Variants in RPH3AL observed in about 807,000 individuals in gnomAD.
The protein encoded by RPH3AL is rab effector Noc2.
In RPH3AL, 38 loss-of-function variants were observed where a neutral mutation model predicts 43.1. The ratio of observed to expected loss-of-function variants is 0.88; its 90% CI spans 0.68 to 1.15. The LOEUF (loss-of-function observed/expected upper bound fraction) is 1.15. Ranked by LOEUF, RPH3AL falls within the 50% of genes most tolerant of loss-of-function variation. RPH3AL has a pLI of 0.00. For missense variants in RPH3AL, 462 were observed against 423.2 expected (o/e 1.09, Z -0.81); for synonymous variants, 189 against 176.3 (o/e 1.07, Z -0.57).
chr17:332,950 CA>C, intron 2 of RPH3AL: 2 of 1,172,494 alleles, frequency 1.7e-6, no homozygotes, highest in Admixed American at 2.4e-5. Flanking sequence ...GGGAACGGAA[CA>C]GGAGTTGCCG....
intron 6 of RPH3AL, among the ~76,000 whole-genome samples, chr17:271,354 A>T (rs1042680161): frequency 2.6e-5 from 4 of 152,186 alleles, no homozygotes; most frequent in Non-Finnish European, 5.9e-5. Context: ...TGAATCTACA[A>T]ATTACCTTGG....
intron 5 of RPH3AL, among the ~76,000 whole-genome samples, chr17:285,279 C>T (rs933652135): frequency 2.4e-4 from 37 of 152,140 alleles, no homozygotes; most frequent in African/African-American, 7.2e-4. Context: ...CTTCAGAGGC[C>T]GCACGGCACG....
intron 7 of RPH3AL, among the ~76,000 whole-genome samples, chr17:229,012 C>T (rs28521142): frequency 0.48 from 72,398 of 151,994 alleles, 17,703 homozygotes; most frequent in Non-Finnish European, 0.52. Flanking sequence ...AACTACTAAG[C>T]AGGACAAACA....
chr17:222,990 G>A (rs1352117027), intron 7 of RPH3AL, among the ~76,000 whole-genome samples: 1 of 152,170 alleles, frequency 6.6e-6, no homozygotes, highest in East Asian at 1.9e-4. Context: ...AGGAGCTCAA[G>A]ACCAGGCTGG....
chr17:252,527 G>A (rs2041932445), intron 6 of RPH3AL, among the ~76,000 whole-genome samples: 1 of 152,178 alleles, frequency 6.6e-6, no homozygotes, highest in Non-Finnish European at 1.5e-5. Flanking sequence ...CATCAGAGCA[G>A]TCGTTCCGAA....
In RPH3AL at chr17:274,174, C is replaced by T. The variant is rs556732562; in HGVS notation, c.438+7594G>A. ...TGCTTAGAAGCCGCCAGGGCCGTTCCTCCCAGCCCCAACTAACGCACCCAT... is the reference window on the plus strand; with the variant it reads ...TGCTTAGAAGCCGCCAGGGCCGTTCTTCCCAGCCCCAACTAACGCACCCAT... On this transcript the variant is annotated intron_variant, in intron 6 of 9. Transcript: ENST00000331302. This position sits in a 1 kb window ranked among gnomAD's most constrained non-coding sequence, Gnocchi z 4.7. Among the ~76,000 whole-genome samples the T allele has an allele frequency of 1.3e-5, 2 of 152,378 alleles. No individual in the cohort carries two copies. The highest frequency in any genetic ancestry group is 4.8e-5 in the African/African-American group (2 of 41,590).
chr17:244,720 C>A (rs1442640836), intron 7 of RPH3AL, among the ~76,000 whole-genome samples: 1 of 152,146 alleles, frequency 6.6e-6, no homozygotes, highest in African/African-American at 2.4e-5. Flanking sequence ...GGGCCACTGC[C>A]CTCCTCGCCC....
intron 6 of RPH3AL, among the ~76,000 whole-genome samples, chr17:273,568 A>C (rs201389526): frequency 1.7e-5 from 2 of 118,510 alleles, no homozygotes; most frequent in African/African-American, 6.0e-5. Flanking sequence ...GACCCCAGCG[A>C]GGGTGACGTC....
chr17:335,335 C>T (rs897735191), intron 1 of RPH3AL, among the ~76,000 whole-genome samples: 5 of 152,070 alleles, frequency 3.3e-5, no homozygotes, highest in Admixed American at 6.5e-5. Flanking sequence ...CACCCACGTG[C>T]GAAGGCCAAC....
Position 264,181 on chromosome 17 carries a change from A to C in RPH3AL, c.439-16896T>G, listed in dbSNP as rs1900300603. On this transcript the variant is annotated intron_variant, in intron 6 of 9. Transcript: ENST00000331302. This position sits in a 1 kb window ranked among gnomAD's most constrained non-coding sequence, Gnocchi z 4.8. ...GGTAACATACACACTTGTTTCTAGC[A>C]TTGTTTTCTGCCGGAAATGCCATCT... Among the ~76,000 whole-genome samples, 1 of 152,200 alleles carries C rather than the reference A, an allele frequency of 6.6e-6. No homozygotes were observed. The highest frequency in any genetic ancestry group is 2.4e-5 in the African/African-American group (1 of 41,446).
intron 5 of RPH3AL, among the ~76,000 whole-genome samples, chr17:311,606 C>CT (rs540138158): frequency 1.7e-4 from 26 of 152,280 alleles, no homozygotes; most frequent in African/African-American, 6.0e-4. Flanking sequence ...TTTTTGGATC[C>CT]CCCCAACCCA....
intron 6 of RPH3AL, among the ~76,000 whole-genome samples, chr17:257,117 G>A (rs1266910309): frequency 1.8e-4 from 11 of 60,472 alleles, no homozygotes; most frequent in Admixed American, 1.6e-4. Context: ...TACTTCCTAT[G>A]AGGGGAGCCG....
In RPH3AL at chr17:321,554, G is replaced by GCAGAGATGGCCCAGGTGGCAA. The variant is rs752442783; in HGVS notation, c.78-160_78-140dup. On this transcript the variant is annotated intron_variant, in intron 3 of 9. Transcript: ENST00000331302. The stretch of plus-strand genomic sequence containing the variant: ...CGTGCCGGGACGACGAGCGCGGGCA[G>GCAGAGATGGCCCAGGTGGCAA]CAGAGATGGCCCAGGTGGCAACAGA... 74 of 846,070 alleles carry GCAGAGATGGCCCAGGTGGCAA rather than the reference G, an allele frequency of 8.7e-5. 2 individuals are homozygous for GCAGAGATGGCCCAGGTGGCAA. The South Asian group carries it at 1.1e-3, about 13-fold the overall frequency. 52.4% of individuals were successfully genotyped at this position (846,070 alleles called of 1,614,324 possible).
At chr17:270,982 C>CTTTCCACGTATGGCTAGCCAGT (rs1315151333) in intron 6 of RPH3AL, among the ~76,000 whole-genome samples, 1 of 152,310 alleles carries the variant, frequency 6.6e-6, no homozygotes, top group East Asian at 1.9e-4. Flanking sequence ...CCAGTTTCAG[C>CTTTCCACGTATGGCTAGCCAGT]TTTCCACGTA....
At chr17:239,857 T>G (rs1389498731) in intron 7 of RPH3AL, among the ~76,000 whole-genome samples, 1 of 152,220 alleles carries the variant, frequency 6.6e-6, no homozygotes, top group African/African-American at 2.4e-5. Context: ...CTTGAACTCT[T>G]GACTCAAGCA....
chr17:268,765 T>C (rs1416137250), intron 6 of RPH3AL, among the ~76,000 whole-genome samples: 1 of 152,040 alleles, frequency 6.6e-6, no homozygotes, highest in African/African-American at 2.4e-5. Flanking sequence ...GGTTTCGCCA[T>C]GTTACCCAGA....
intron 6 of RPH3AL, among the ~76,000 whole-genome samples, chr17:258,812 G>C (rs1247447456): frequency 2.0e-5 from 3 of 147,856 alleles, no homozygotes; most frequent in Non-Finnish European, 4.4e-5. Flanking sequence ...CCAGGCTGGA[G>C]TGCAATGGCA....
rs71372164 is a variant in RPH3AL, at chr17:221,940, T to A, written c.614-2204A>T. Among the ~76,000 whole-genome samples, 314 of 53,494 alleles carry A rather than the reference T, an allele frequency of 5.9e-3. 12 individuals are homozygous for A. Among genetic ancestry groups the A allele is most frequent in the Middle Eastern group, 0.053 (4 of 76 alleles). The allele number at this position is 53,494 out of a possible 152,430, so 35.1% of individuals were successfully genotyped here. A position where few individuals can be genotyped will look rare whatever the true frequency, so the allele number is the denominator to read the frequency against. ...CACTGAGACAGTAGACCCAAGCACA[T>A]CAGCTCTGAGGCCTCCACTCACTGA... is the stretch of plus-strand genomic sequence containing the variant. On this transcript the variant is annotated intron_variant, in intron 7 of 9. Coordinates refer to ENST00000331302, the MANE Select transcript of RPH3AL (RefSeq NM_006987.4).
intron 5 of RPH3AL, among the ~76,000 whole-genome samples, chr17:306,864 C>T (rs2043500682): frequency 6.6e-6 from 1 of 151,876 alleles, no homozygotes; most frequent in Admixed American, 6.6e-5. Flanking sequence ...TTCCTCTCTT[C>T]CTCTCCTTCT....
Sources: allele counts gnomAD v4.1 joint callset (sites outside exome capture counted in the v4.1 genomes callset), GRCh38; gene constraint gnomAD v4.1.1; non-coding constraint Gnocchi (gnomAD v3.1); transcripts MANE v1.5; gene names NCBI Gene and HGNC (gene_info 2026-07-23, HGNC 2026-07-21).